The following FARSB variants were observed in gnomAD, a reference collection of about 807,000 sequenced individuals.
FARSB encodes the protein phenylalanyl-tRNA synthetase subunit beta, also known as phenylalanine--tRNA ligase beta subunit.
Under a neutral mutation model 69.6 loss-of-function variants are expected in FARSB, and 40 were observed. The observed-to-expected ratio is 0.57, with a 90% CI of 0.45 to 0.75. The LOEUF (loss-of-function observed/expected upper bound fraction) is 0.75, where lower values mean the gene tolerates loss of function less well. Among genes scored for constraint, FARSB ranks in the 30% least tolerant of loss-of-function variants. The pLI is 0.00. For synonymous variants in FARSB, 235 were observed against 247.2 expected (o/e 0.95, Z 0.46); for missense variants, 632 against 722.9 (o/e 0.87, Z 1.44).
chr2:222,584,126 T>C (rs1341717474), intron 16 of FARSB, among the ~76,000 whole-genome samples: 2 of 152,122 alleles, frequency 1.3e-5, no homozygotes, highest in Non-Finnish European at 2.9e-5. Context: ...TTATTATGGT[T>C]ATAGAGAATG....
Position 222,631,607 on chromosome 2 carries a change from A to T in FARSB, c.783T>A (p.Thr261=). 6.6e-7 allele frequency: 1 copy of T among 1,507,686 alleles called. No individual in the cohort carries two copies. The highest frequency in any genetic ancestry group is 9.2e-7 in the Non-Finnish European group (1 of 1,083,706). The allele number at this position is 1,507,686 out of a possible 1,614,324, so 93.4% of individuals were successfully genotyped here. ...ATTGAGTAAAAGTTTTACTTACCTT[A>T]GTAAAGTCAGTTCCCGTGCATTCAA... The part of the protein sequence containing the change: ...IFIECTGTDF[T]KAKIVLDIIV... Residue 261 remains threonine, a synonymous_variant, in exon 8 of 17, where the codon ACT becomes ACA. Transcript: ENST00000281828.
chr2:222,648,744 TC>T lies in FARSB; in HGVS notation c.109del (p.Glu37LysfsTer8). ...LCFEFGLELD[E>X]ITSEKEIISK... Reference sequence around the variant, plus strand: ...AGACAAATATCCAATACATACAATTTCATCAAGCTCCAGACCAAATTCAAAA... The same window carrying T: ...AGACAAATATCCAATACATACAATTTATCAAGCTCCAGACCAAATTCAAAA... On this transcript the variant is annotated frameshift_variant, in exon 2 of 17. Transcript: ENST00000281828. LOFTEE classifies it high-confidence loss of function. 6.3e-7 allele frequency: 1 copy of T among 1,585,912 alleles called. No homozygotes were observed. Among genetic ancestry groups the T allele is most frequent in the Non-Finnish European group, 8.7e-7 (1 of 1,154,464 alleles).
chr2:222,578,395 G>A (rs78163890), intron 16 of FARSB, among the ~76,000 whole-genome samples: 23 of 152,306 alleles, frequency 1.5e-4, no homozygotes, highest in Middle Eastern at 6.8e-3. Context: ...TGGAAATGTC[G>A]ACTATATGAG....
intron 13 of FARSB, among the ~76,000 whole-genome samples, chr2:222,622,441 G>A (rs969600500): frequency 2.0e-5 from 3 of 152,292 alleles, no homozygotes; most frequent in African/African-American, 7.2e-5. Flanking sequence ...GTGGGGAAAA[G>A]AACTGTTATG....
At chr2:222,655,667 C>G (rs1224248700) in intron 1 of FARSB, among the ~76,000 whole-genome samples, 1 of 152,242 alleles carries the variant, frequency 6.6e-6, no homozygotes, top group African/African-American at 2.4e-5. Context: ...GTTCCCACAG[C>G]GCTGCTATTG....
intron 15 of FARSB, among the ~76,000 whole-genome samples, chr2:222,600,951 A>G (rs1690540162): frequency 6.6e-6 from 1 of 152,258 alleles, no homozygotes; most frequent in African/African-American, 2.4e-5. Context: ...AGAATACTAA[A>G]GTTTATGAAG....
intron 14 of FARSB, among the ~76,000 whole-genome samples, chr2:222,616,545 CAAAAAA>C (rs11447332): frequency 1.3e-5 from 1 of 74,136 alleles, no homozygotes; most frequent in African/African-American, 5.8e-5. Flanking sequence ...GACTCCATCT[CAAAAAA>C]AAAAAAAAAA....
chr2:222,642,844 T>C lies in FARSB; in HGVS notation c.269+7A>G. The C allele has an allele frequency of 6.3e-7, 1 of 1,593,736 alleles. No homozygotes were observed. Among genetic ancestry groups the C allele is most frequent in the South Asian group, 1.1e-5 (1 of 88,204 alleles). ...TAGCAAAGTCTTTAAGGAACATATT[T>C]CCTTACCTTTCTTTGAAGACCTGAA... On this transcript the variant is annotated splice_region_variant and intron_variant, in intron 3 of 16. Transcript: ENST00000281828.
chr2:222,621,575 T>C (rs1559206359), intron 13 of FARSB, among the ~76,000 whole-genome samples: 3 of 152,158 alleles, frequency 2.0e-5, no homozygotes, highest in Non-Finnish European at 4.4e-5. Flanking sequence ...GTTAGAAAAA[T>C]ACAACAAGTA....
chr2:222,580,025 G>A (rs1336615764), intron 16 of FARSB, among the ~76,000 whole-genome samples: 1 of 152,142 alleles, frequency 6.6e-6, no homozygotes, highest in African/African-American at 2.4e-5. Flanking sequence ...ACAACACTCA[G>A]TGTTAAATGG....
At position 222,571,801 on chromosome 2, in the gene FARSB, G is replaced by A. The variant is rs1689722740; in HGVS notation, c.*70C>T. ...GCCCAAATAGATGTTCCCTGTGGAG[G>A]AGGACTTAAGGACACTAGGGGAGGA... On this transcript the variant is annotated 3_prime_UTR_variant, in exon 17 of 17. Transcript: ENST00000281828. 3.1e-6 allele frequency: 4 copies of A among 1,309,416 alleles called. No individual in the cohort carries two copies. Among genetic ancestry groups the A allele is most frequent in the Middle Eastern group, 2.0e-4 (1 of 5,108 alleles). The allele number at this position is 1,309,416 out of a possible 1,614,324, so 81.1% of individuals were successfully genotyped here.
chr2:222,595,545 T>C (rs574532053), intron 16 of FARSB, among the ~76,000 whole-genome samples: 2 of 152,210 alleles, frequency 1.3e-5, no homozygotes, highest in Non-Finnish European at 2.9e-5. Flanking sequence ...CTGAGCAGCA[T>C]GAAAACTAGA....
intron 16 of FARSB, among the ~76,000 whole-genome samples, chr2:222,590,902 G>A (rs573346290): frequency 6.6e-6 from 1 of 151,966 alleles, no homozygotes. Flanking sequence ...TAATAACAAA[G>A]TTTAAAAAAA....
chr2:222,602,839 A>T (rs570384365), intron 15 of FARSB, among the ~76,000 whole-genome samples: 35 of 152,172 alleles, frequency 2.3e-4, no homozygotes, highest in African/African-American at 8.4e-4. Context: ...CATTTTCTAC[A>T]AATAATATTT....
At chr2:222,623,915 C>A (rs928232857) in intron 12 of FARSB, among the ~76,000 whole-genome samples, 185 bp from the exon 13 acceptor site, 2 of 152,108 alleles carry the variant, frequency 1.3e-5, no homozygotes, top group Non-Finnish European at 2.9e-5. Context: ...CTCCTCCCTC[C>A]CCACCGCTCT....
At chr2:222,629,704 A>G (rs1381351450) in intron 9 of FARSB, among the ~76,000 whole-genome samples, 5 of 152,212 alleles carry the variant, frequency 3.3e-5, no homozygotes, top group African/African-American at 1.2e-4. Context: ...TATATGTTCT[A>G]GTTATAGGAA....
intron 9 of FARSB, 26 bp downstream of exon 9, chr2:222,630,087 T>C (rs996221829): frequency 1.2e-5 from 16 of 1,390,882 alleles, no homozygotes; most frequent in Non-Finnish European, 1.6e-5. Context: ...CAATGGGCCA[T>C]CAATAAAGGT....
At position 222,631,980 on chromosome 2, in the gene FARSB, G is replaced by A. The variant is rs147587146; in HGVS notation, c.716-306C>T. Among the ~76,000 whole-genome samples the A allele has an allele frequency of 1.0e-2, 1,522 of 152,284 alleles. 20 individuals carry two copies. The highest frequency in any genetic ancestry group is 0.035 in the African/African-American group (1,459 of 41,568). On this transcript the variant is annotated intron_variant, in intron 7 of 16. Coordinates refer to ENST00000281828, the MANE Select transcript of FARSB (RefSeq NM_005687.5). ...CCACTTACTTGGGAGGCTCAGGCAG[G>A]AGAATTGCTTGAACCCGGGAGGTGC...
intron 15 of FARSB, among the ~76,000 whole-genome samples, chr2:222,603,685 T>TTATTA (rs1348552151): frequency 9.2e-5 from 7 of 75,928 alleles, no homozygotes; most frequent in Non-Finnish European, 1.9e-4. Flanking sequence ...TATTATATTA[T>TTATTA]ATATTATTAT....
Sources: allele counts gnomAD v4.1 joint callset (sites outside exome capture counted in the v4.1 genomes callset), GRCh38; gene constraint gnomAD v4.1.1; transcripts MANE v1.5; gene names NCBI Gene and HGNC (gene_info 2026-07-23, HGNC 2026-07-21).